Variants in NCKAP5 observed in about 807,000 individuals in gnomAD.
The protein encoded by NCKAP5 is NCK associated protein 5, also known as nck-associated protein 5.
NCKAP5 carries 92 observed loss-of-function variants against 167.0 expected under a neutral mutation model. The observed-to-expected ratio is 0.55, with a 90% CI of 0.47 to 0.66. NCKAP5 has a LOEUF of 0.66. Ranked by LOEUF, NCKAP5 falls within the 30% of genes least tolerant of loss-of-function variation. The pLI is 0.00. For missense variants in NCKAP5, 2,378 were observed against 2,315.0 expected (o/e 1.03, Z -0.56); for synonymous variants, 891 against 877.4 (o/e 1.02, Z -0.27).
At chr2:133,316,580 G>T (rs1681625241) in intron 3 of NCKAP5, among the ~76,000 whole-genome samples, 2 of 152,308 alleles carry the variant, frequency 1.3e-5, no homozygotes, top group Admixed American at 6.5e-5. Flanking sequence ...TTCTAAGCCA[G>T]AAAGCATTTG....
At chr2:133,523,525 T>C (rs1430528028) in intron 2 of NCKAP5, among the ~76,000 whole-genome samples, 1 of 152,244 alleles carries the variant, frequency 6.6e-6, no homozygotes, top group Non-Finnish European at 1.5e-5. Flanking sequence ...TTCTTTGCCA[T>C]GTAAATTTGA....
chr2:132,935,094 AT>A (rs1484201873), intron 8 of NCKAP5, among the ~76,000 whole-genome samples: 2 of 152,182 alleles, frequency 1.3e-5, no homozygotes, highest in Non-Finnish European at 2.9e-5. Flanking sequence ...CCATGAAGGT[AT>A]CTGGGAAGTG....
chr2:133,509,799 G>T (rs1291559219), intron 3 of NCKAP5, among the ~76,000 whole-genome samples: 3 of 152,194 alleles, frequency 2.0e-5, no homozygotes, highest in African/African-American at 7.2e-5. Context: ...GACAAAGAAT[G>T]ATCAGGTCCA....
In NCKAP5 at chr2:132,725,892, C is replaced by T. The variant is rs181057463; in HGVS notation, c.5581-133G>A. On this transcript the variant is annotated intron_variant, in intron 18 of 19. Coordinates refer to ENST00000409261, the MANE Select transcript of NCKAP5 (RefSeq NM_207363.3). ...AGAATTCCATTCCCACTGCCCAGCC[C>T]GCCGCTCACCCGAGAGCAACTCTGG... 100 of 942,516 alleles carry T rather than the reference C, an allele frequency of 1.1e-4. 1 individual carries two copies. Among genetic ancestry groups the T allele is most frequent in the East Asian group, 1.2e-4 (4 of 34,714 alleles). The allele number at this position is 942,516 out of a possible 1,614,324, so 58.4% of individuals were successfully genotyped here.
chr2:133,554,365 A>C (rs1002827641), intron 2 of NCKAP5: 1 of 152,206 alleles, frequency 6.6e-6, no homozygotes, highest in Non-Finnish European at 1.5e-5. Context: ...CCTGGATCTT[A>C]GTTTCCATCT....
chr2:132,756,906 G>A (rs1206708610), intron 16 of NCKAP5, among the ~76,000 whole-genome samples: 1 of 152,152 alleles, frequency 6.6e-6, no homozygotes, highest in Non-Finnish European at 1.5e-5. Flanking sequence ...TTTGGGAGCT[G>A]ACACAATGGA....
At chr2:133,647,037 A>G in the NCKAP5 span, among the ~76,000 whole-genome samples, 1 of 152,150 alleles carries the variant, frequency 6.6e-6, no homozygotes, top group Admixed American at 6.6e-5. Context: ...TTGTAACAAA[A>G]CACAAAAGAA....
At chr2:133,328,516 G>A (rs113824154) in intron 3 of NCKAP5, among the ~76,000 whole-genome samples, 52 of 152,314 alleles carry the variant, frequency 3.4e-4, no homozygotes, top group African/African-American at 1.2e-3. Flanking sequence ...CTGACTTGTG[G>A]TGCCACCAGG....
At chr2:132,702,181 GA>G (rs1687948886) in intron 19 of NCKAP5, among the ~76,000 whole-genome samples, 1 of 152,142 alleles carries the variant, frequency 6.6e-6, no homozygotes, top group Admixed American at 6.5e-5. Context: ...GTGCTATAGG[GA>G]AAAATGAAAC....
At chr2:133,286,084 C>A (rs1340179294) in intron 4 of NCKAP5, among the ~76,000 whole-genome samples, 1 of 151,946 alleles carries the variant, frequency 6.6e-6, no homozygotes, top group Non-Finnish European at 1.5e-5. Context: ...CAAGCTCCAC[C>A]TTCTGGGTTC....
At chr2:133,341,350 C>A (rs1683572491) in intron 3 of NCKAP5, among the ~76,000 whole-genome samples, 1 of 151,278 alleles carries the variant, frequency 6.6e-6, no homozygotes, top group African/African-American at 2.4e-5. Flanking sequence ...AACAAGAACT[C>A]CTTCAGGCAA....
chr2:133,399,467 G>A (rs1051396493), intron 3 of NCKAP5, among the ~76,000 whole-genome samples: 1 of 151,948 alleles, frequency 6.6e-6, no homozygotes, highest in African/African-American at 2.4e-5. Flanking sequence ...AGGGAGAAAA[G>A]AGTTCTAAGA....
the NCKAP5 span, among the ~76,000 whole-genome samples, chr2:133,619,340 T>C: frequency 1.3e-5 from 2 of 151,520 alleles, no homozygotes; most frequent in African/African-American, 2.4e-5. Flanking sequence ...ATCAAAAATA[T>C]GATATAGGAT....
intron 8 of NCKAP5, among the ~76,000 whole-genome samples, chr2:132,920,273 G>A (rs773598509): frequency 3.9e-5 from 6 of 152,080 alleles, no homozygotes; most frequent in Non-Finnish European, 7.4e-5. Flanking sequence ...TGTGACCAAG[G>A]GCAGGTTACT....
At chr2:133,626,170 GA>G in the NCKAP5 span, among the ~76,000 whole-genome samples, 3 of 152,192 alleles carry the variant, frequency 2.0e-5, no homozygotes, top group African/African-American at 7.2e-5. Flanking sequence ...AGTTCCATAT[GA>G]ATTATTAAAT....
intron 11 of NCKAP5, among the ~76,000 whole-genome samples, chr2:132,813,623 AG>A (rs776807459): frequency 7.2e-5 from 11 of 152,354 alleles, no homozygotes; most frequent in Admixed American, 1.3e-4. Context: ...GTGACACCAA[AG>A]GGTTCCATAT....
At chr2:133,131,814 T>C (rs1368969) in intron 5 of NCKAP5, among the ~76,000 whole-genome samples, 29,870 of 152,106 alleles carry the variant, frequency 0.2, 3,238 homozygotes, top group Non-Finnish European at 0.24. Flanking sequence ...AAATTTCATG[T>C]TATATACATT....
chr2:132,873,491 G>T (rs12465402), intron 9 of NCKAP5, among the ~76,000 whole-genome samples: 4,622 of 152,274 alleles, frequency 0.03, 231 homozygotes, highest in East Asian at 0.13. Flanking sequence ...GTGTTTGTGT[G>T]TGTGTCCACA....
chr2:132,871,313 TAAACA>T (rs72132416), intron 9 of NCKAP5, among the ~76,000 whole-genome samples: 31,061 of 151,784 alleles, frequency 0.2, 3,215 homozygotes, highest in Middle Eastern at 0.26. Context: ...TGTTGGCAAA[TAAACA>T]AAACAAAACA....
Sources: allele counts gnomAD v4.1 joint callset (sites outside exome capture counted in the v4.1 genomes callset), GRCh38; gene constraint gnomAD v4.1.1; transcripts MANE v1.5; gene names NCBI Gene and HGNC (gene_info 2026-07-23, HGNC 2026-07-21).